KCNN1: variants seen among roughly 807,000 people sequenced by gnomAD.
KCNN1 encodes potassium calcium-activated channel subfamily N member 1, also known as small conductance calcium-activated potassium channel protein 1.
A neutral mutation model predicts 44.7 loss-of-function variants in KCNN1; 20 were observed. The ratio of observed to expected loss-of-function variants is 0.45; its 90% CI spans 0.32 to 0.65. KCNN1 has a LOEUF of 0.65. Ranked by LOEUF, KCNN1 falls within the 30% of genes least tolerant of loss-of-function variation. The pLI is 0.05. For synonymous variants in KCNN1, 324 were observed against 341.7 expected, an observed-to-expected ratio of 0.95 and a Z score of 0.57; for missense variants, 632 against 785.3, an observed-to-expected ratio of 0.80 and a Z score of 2.33.
At chr19:17,975,888 C>T (rs115517154) in intron 3 of KCNN1, among the ~76,000 whole-genome samples, 1 of 151,990 alleles carries the variant, frequency 6.6e-6, no homozygotes, top group African/African-American at 2.4e-5. Context: ...TTTGTATTGT[C>T]TTGTCAGTGT....
At chr19:17,956,695 A>G (rs943701560) in intron 2 of KCNN1, among the ~76,000 whole-genome samples, 3 of 151,914 alleles carry the variant, frequency 2.0e-5, no homozygotes, top group Non-Finnish European at 4.4e-5. Flanking sequence ...ACAGTGGGCT[A>G]TGATTGAACC....
At chr19:17,954,995 G>A (rs12104302) in intron 2 of KCNN1, among the ~76,000 whole-genome samples, 172 of 147,624 alleles carry the variant, frequency 1.2e-3, no homozygotes, top group African/African-American at 3.9e-3. Context: ...CCAAGATCGC[G>A]CCACTGCACT....
At chr19:17,972,939 G>T (rs1474298224) in intron 1 of KCNN1, among the ~76,000 whole-genome samples, 1 of 152,174 alleles carries the variant, frequency 6.6e-6, no homozygotes, top group African/African-American at 2.4e-5. Context: ...CAGGGCTCTG[G>T]TAGGGGGGCA....
Position 17,973,831 on chromosome 19 carries a change from G to T in KCNN1, c.-58G>T. 1 of 1,534,424 alleles carries T rather than the reference G, an allele frequency of 6.5e-7. No homozygotes were observed. ...AGGTCAGTGCAGGAGCCCAGCCGCT[G>T]AGCCATGCCGGGCCCCGGGCGGCCT... On this transcript the variant is annotated 5_prime_UTR_variant, in exon 2 of 10. Transcript: ENST00000684775.
rs773288101 is a variant in KCNN1 at position 17,993,495 on chromosome 19, G to A, written c.1313G>A (p.Arg438Gln). 5 of 1,613,440 alleles carry A rather than the reference G, an allele frequency of 3.1e-6. No individual in the cohort carries two copies. Among genetic ancestry groups the A allele is most frequent in the Non-Finnish European group, 3.4e-6 (4 of 1,179,684 alleles). The change falls in exon 9 of 10, where the codon CGG becomes CAG. Residue 438 changes from arginine (R) to glutamine (Q), a missense_variant. Physicochemically the swap from Arg to Gln is conservative, Grantham distance 43. Transcript: ENST00000684775. This position sits in a 1 kb window ranked among gnomAD's most constrained non-coding sequence, Gnocchi z 4.5. ...CCAACCCCGTGTCCCCACAGGCTCC[G>A]GAGTGTGAAGATCGAGCAAGGGAAG... Reference protein sequence around the residue: ...LQAIHQAQKLRSVKIEQGKLN... With the variant: ...LQAIHQAQKLQSVKIEQGKLN...
chr19:17,981,763 C>A lies in KCNN1; in HGVS notation c.553C>A (p.Arg185Ser). ...DDWRIAMTCE[R>S]VFLISLELAV... ...CTGGCGCATCGCCATGACCTGCGAGCGCGTGTTCCTCATCTCGCTAGAGCT... is the reference window on the plus strand; with the variant it reads ...CTGGCGCATCGCCATGACCTGCGAGAGCGTGTTCCTCATCTCGCTAGAGCT... Residue 185 changes from arginine to serine, a missense_variant, in exon 4 of 10, where the codon CGC (arginine) becomes AGC (serine). By Grantham distance (110) the Arg-to-Ser change is moderately radical. Around this residue, in one of 3 missense-constraint regions of KCNN1, gnomAD observed 160 missense variants for 308.3 expected, o/e 0.52. Transcript: ENST00000684775. 6.2e-7 allele frequency: 1 copy of A among 1,609,890 alleles called. No homozygotes were observed. The highest frequency in any genetic ancestry group is 8.5e-7 in the Non-Finnish European group (1 of 1,177,040).
At chr19:17,990,799 CAAAAAAAAAA>C (rs1252211442) in intron 7 of KCNN1, among the ~76,000 whole-genome samples, 2 of 54,870 alleles carry the variant, frequency 3.6e-5, no homozygotes, top group Non-Finnish European at 7.6e-5. Context: ...GACTCTGTCT[CAAAAAAAAAA>C]AAAAAGAAAG....
chr19:17,979,290 A>G (rs12973976), intron 3 of KCNN1, among the ~76,000 whole-genome samples: 2 of 151,326 alleles, frequency 1.3e-5, no homozygotes, highest in Non-Finnish European at 1.5e-5. Flanking sequence ...AACATTAGCC[A>G]GGCGTGGTGG....
intron 5 of KCNN1, among the ~76,000 whole-genome samples, chr19:17,987,887 A>T (rs2032653882): frequency 6.7e-6 from 1 of 150,290 alleles, no homozygotes; most frequent in Admixed American, 6.7e-5. Context: ...TTACACCTGT[A>T]CTCCCAGCAC....
chr19:17,985,004 G>T (rs576880905), intron 4 of KCNN1, among the ~76,000 whole-genome samples: 104 of 151,818 alleles, frequency 6.9e-4, no homozygotes, highest in African/African-American at 2.3e-3. Context: ...GCTGCTTCTG[G>T]TGCTGTGGTC....
Position 17,960,675 on chromosome 19 carries a change from G to T in KCNN1, c.-82+5994G>T, listed in dbSNP as rs142920863. ...AAAAGAAAAACACACAAAAAGTTGT[G>T]CTGTCACAGTTCTAGAGGCCAGAAG... On this transcript the variant is annotated intron_variant, in intron 2 of 10. Transcript: ENST00000222249. Among the ~76,000 whole-genome samples, 475 of 151,996 alleles carry T rather than the reference G, an allele frequency of 3.1e-3. 1 individual carries two copies. Among genetic ancestry groups the T allele is most frequent in the African/African-American group, 0.011 (442 of 41,456 alleles).
At chr19:17,969,623 T>A (rs1407481090) in intron 1 of KCNN1, among the ~76,000 whole-genome samples, 1 of 152,202 alleles carries the variant, frequency 6.6e-6, no homozygotes, top group Non-Finnish European at 1.5e-5. Flanking sequence ...GACACACGGC[T>A]GAATTTGGCC....
At position 17,983,481 on chromosome 19, in the gene KCNN1, C is replaced by T. The variant is rs1270589269; in HGVS notation, c.917+1354C>T. ...GGCTCTCCTTGGGCTCTTGATGTTC[C>T]CCCATGCAGCTCTCACACCCCTGAT... On this transcript the variant is annotated intron_variant, in intron 4 of 9. Coordinates refer to ENST00000684775, the MANE Select transcript of KCNN1 (RefSeq NM_001386974.1). The surrounding 1 kb of genome is among the most constrained non-coding windows in gnomAD (Gnocchi z 4.5). Among the ~76,000 whole-genome samples the T allele has an allele frequency of 2.0e-5, 3 of 152,126 alleles. No homozygotes were observed. Among genetic ancestry groups the T allele is most frequent in the Admixed American group, 6.5e-5 (1 of 15,274 alleles).
chr19:17,983,924 G>A lies in KCNN1; in HGVS notation c.918-1388G>A, dbSNP rs568520967. ...TGTAATCCCAGCACTTTGGGAGGCC[G>A]AGGCGGGTGGATTACCAGGTCAGGA... On this transcript the variant is annotated intron_variant, in intron 4 of 9. Transcript: ENST00000684775. The surrounding 1 kb of genome is among the most constrained non-coding windows in gnomAD (Gnocchi z 4.5). Among the ~76,000 whole-genome samples the A allele has an allele frequency of 2.8e-3, 422 of 152,076 alleles. 4 individuals carry two copies. Among genetic ancestry groups the A allele is most frequent in the African/African-American group, 9.7e-3 (404 of 41,488 alleles).
Position 17,999,868 on chromosome 19 carries a change from G to A in KCNN1, c.*1462G>A. The A allele has an allele frequency of 9.5e-6, 4 of 420,736 alleles. No homozygotes were observed. The highest frequency in any genetic ancestry group is 1.6e-5 in the South Asian group (1 of 61,292). The allele number at this position is 420,736 out of a possible 1,614,324, so 26.1% of individuals were successfully genotyped here. On this transcript the variant is annotated 3_prime_UTR_variant, in exon 10 of 10. Transcript: ENST00000684775. ...GCATGAATGACCAGCTTGGGCCCAC[G>A]CACGAGAAGGGTATGAGGAGGTGCT...
In KCNN1 at chr19:17,993,551, C is replaced by A; in HGVS notation, c.1369C>A (p.Leu457Ile). 6.2e-7 allele frequency: 1 copy of A among 1,613,550 alleles called. No homozygotes were observed. Among genetic ancestry groups the A allele is most frequent in the East Asian group, 2.2e-5 (1 of 44,882 alleles). The change falls in exon 9 of 10, where the codon CTA becomes ATA. Residue 457 changes from leucine (L) to isoleucine (I), a missense_variant. Transcript: ENST00000684775. This position sits in a 1 kb window ranked among gnomAD's most constrained non-coding sequence, Gnocchi z 4.5. ...LNDQANTLTD[L>I]AKTQTVMYDL... ...CGACCAGGCTAACACGCTTACCGAC[C>A]TAGCCAAGGTGAGTGGGTTGGGGCA...
At chr19:17,989,646 T>C (rs2032719685) in intron 6 of KCNN1, 70 bp from the exon 7 acceptor site, 2 of 1,605,936 alleles carry the variant, frequency 1.2e-6, no homozygotes, top group Non-Finnish European at 1.7e-6. Flanking sequence ...TTCTGGAAGA[T>C]TCTAGACATT....
chr19:17,958,473 C>A (rs1024462150), intron 2 of KCNN1, among the ~76,000 whole-genome samples: 1 of 146,726 alleles, frequency 6.8e-6, no homozygotes, highest in Non-Finnish European at 1.5e-5. Flanking sequence ...AACAGGAGAC[C>A]CTGTCTCTTT....
chr19:17,988,784 G>A (rs1307373622), intron 6 of KCNN1, among the ~76,000 whole-genome samples: 1 of 152,008 alleles, frequency 6.6e-6, no homozygotes, highest in Non-Finnish European at 1.5e-5. Flanking sequence ...GGTGACGGAC[G>A]CCTGTAGTCC....
Sources: allele counts gnomAD v4.1 joint callset (sites outside exome capture counted in the v4.1 genomes callset), GRCh38; gene constraint gnomAD v4.1.1; regional missense constraint gnomAD v4.1.1; non-coding constraint Gnocchi (gnomAD v3.1); transcripts MANE v1.5; gene names NCBI Gene and HGNC (gene_info 2026-07-23, HGNC 2026-07-21).